OLFML2A: variants seen among roughly 807,000 people sequenced by gnomAD.
OLFML2A encodes the protein olfactomedin like 2A, also known as olfactomedin-like protein 2A.
A neutral mutation model predicts 60.9 loss-of-function variants in OLFML2A; 47 were observed. That is an observed-to-expected ratio of 0.77 (90% CI 0.61 to 0.98). The LOEUF is 0.98. Ranked by LOEUF, OLFML2A falls within the 50% of genes least tolerant of loss-of-function variation. OLFML2A has a pLI of 0.00. For missense variants in OLFML2A, 922 were observed against 879.8 expected, an observed-to-expected ratio of 1.05 and a Z score of -0.61; for synonymous variants, 372 against 375.0, an observed-to-expected ratio of 0.99 and a Z score of 0.09.
intron 7 of OLFML2A, among the ~76,000 whole-genome samples, chr9:124,809,277 T>C (rs113106834): frequency 0.011 from 1,656 of 152,258 alleles, 34 homozygotes; most frequent in African/African-American, 0.038. Context: ...AGGAAGCCAG[T>C]GATAAGTATC....
chr9:124,782,711 C>G (rs1841383355), intron 1 of OLFML2A, among the ~76,000 whole-genome samples: 1 of 152,216 alleles, frequency 6.6e-6, no homozygotes, highest in Non-Finnish European at 1.5e-5. Flanking sequence ...GGCCTTATTC[C>G]AATTCCTGGC....
chr9:124,810,790 T>G lies in OLFML2A; in HGVS notation c.*378T>G. On this transcript the variant is annotated 3_prime_UTR_variant, in exon 8 of 8. Coordinates refer to ENST00000373580, the MANE Select transcript of OLFML2A (RefSeq NM_182487.4). ...AGCCCCATTTTAGGGATGAGGAGAC[T>G]TCACCACGCCCTCCCCTCCCTGCCC... 4.7e-6 allele frequency: 1 copy of G among 212,402 alleles called. No homozygotes were observed. 13.2% of individuals were successfully genotyped at this position (212,402 alleles called of 1,614,324 possible). A position where few individuals can be genotyped will look rare whatever the true frequency, so the allele number is the denominator to read the frequency against.
chr9:124,809,817 G>A lies in OLFML2A; in HGVS notation c.1364G>A (p.Ser455Asn), dbSNP rs752165599. The A allele has an allele frequency of 5.0e-6, 8 of 1,603,522 alleles. No homozygotes were observed. In the Admixed American group the frequency reaches 1.3e-4, roughly 27 times the overall value. The change falls in exon 8 of 8, where the codon AGT becomes AAT. Residue 455 changes from serine to asparagine, a missense_variant. Transcript: ENST00000373580. Reference sequence around the variant, plus strand: ...TCGCCCTCGCCTGCAGGCCGCTGGAGTAACATGTACAAGCTACCCTACAAC... The same window carrying A: ...TCGCCCTCGCCTGCAGGCCGCTGGAATAACATGTACAAGCTACCCTACAAC... Reference protein sequence around the residue: ...NLENFKQGRWSNMYKLPYNWI... With the variant: ...NLENFKQGRWNNMYKLPYNWI...
At position 124,787,223 on chromosome 9, in the gene OLFML2A, G is replaced by A. The variant is rs370096635; in HGVS notation, c.339G>A (p.Ala113=). The A allele has an allele frequency of 4.8e-5, 78 of 1,613,858 alleles. No homozygotes were observed. Among genetic ancestry groups the A allele is most frequent in the Admixed American group, 1.2e-4 (7 of 59,982 alleles). ...AGATGGAGAAACTCAAAAAGCAGGC[G>A]CCCGAGCTCCTCAAGGTAGACTTGG... is the stretch of plus-strand genomic sequence containing the variant. The part of the protein sequence containing the change: ...EWKMEKLKKQ[A]PELLKLQSMV... Residue 113 remains alanine, a synonymous_variant, in exon 2 of 8, where the codon GCG becomes GCA. Coordinates refer to ENST00000373580, the MANE Select transcript of OLFML2A (RefSeq NM_182487.4).
chr9:124,781,171 G>A (rs1841354886), intron 1 of OLFML2A, among the ~76,000 whole-genome samples: 1 of 152,222 alleles, frequency 6.6e-6, no homozygotes, highest in Admixed American at 6.5e-5. Context: ...CCAGGTAGCA[G>A]TTAATATGGC....
intron 3 of OLFML2A, 119 bp from the exon 4 acceptor site, chr9:124,799,166 C>A: frequency 1.4e-6 from 1 of 711,784 alleles, no homozygotes; most frequent in Non-Finnish European, 2.5e-6. Context: ...GCGGCCGCCC[C>A]TAGCCCGTTC....
intron 7 of OLFML2A, among the ~76,000 whole-genome samples, chr9:124,809,600 CT>C (rs796228631): frequency 3.8e-4 from 56 of 146,540 alleles, no homozygotes; most frequent in Admixed American, 4.1e-4. Context: ...TCCTCTGAGC[CT>C]TTTTTTTTTT....
chr9:124,809,302 T>G (rs1056933033), intron 7 of OLFML2A, among the ~76,000 whole-genome samples: 1 of 152,192 alleles, frequency 6.6e-6, no homozygotes, highest in African/African-American at 2.4e-5. Flanking sequence ...TGAAGGCTTC[T>G]GTCTGGCTGC....
In OLFML2A at chr9:124,813,383, C is replaced by T. The variant is rs1324533820; in HGVS notation, c.*2971C>T. 6.6e-6 allele frequency: 1 copy of T among 152,276 alleles called. No individual in the cohort carries two copies. Among genetic ancestry groups the T allele is most frequent in the Non-Finnish European group, 1.5e-5 (1 of 68,052 alleles). 9.4% of individuals were successfully genotyped at this position (152,276 alleles called of 1,614,324 possible). A position where few individuals can be genotyped will look rare whatever the true frequency, so the allele number is the denominator to read the frequency against. ...CATCATTAACTGAGCACCAGCTGTG[C>T]TAAGCCTGCCACGGGCGTATCCTTG... On this transcript the variant is annotated 3_prime_UTR_variant, in exon 8 of 8. Coordinates refer to ENST00000373580, the MANE Select transcript of OLFML2A (RefSeq NM_182487.4).
intron 6 of OLFML2A, among the ~76,000 whole-genome samples, chr9:124,807,051 C>A (rs1300937653): frequency 6.6e-6 from 1 of 151,430 alleles, no homozygotes; most frequent in Non-Finnish European, 1.5e-5. Flanking sequence ...GTAGCTGGGA[C>A]TACAGGCGCA....
In OLFML2A at chr9:124,787,022, C is replaced by G. The variant is rs201589514; in HGVS notation, c.138C>G (p.Asp46Glu). The change falls in exon 2 of 8, where the codon GAC (aspartate) becomes GAG (glutamate). Residue 46 changes from aspartate to glutamate, a missense_variant. By Grantham distance (45) the Asp-to-Glu change is conservative. Transcript: ENST00000373580. ...DQVRMTSEGSDCRCKCIMRPL... is the reference protein window; with the variant it reads ...DQVRMTSEGSECRCKCIMRPL... ...TGAGGATGACCTCGGAGGGCTCCGA[C>G]TGCCGTTGCAAGTGCATCATGCGGC... 145 of 1,613,992 alleles carry G rather than the reference C, an allele frequency of 9.0e-5. No homozygotes were observed. The Middle Eastern group carries it at 1.7e-3, about 18-fold the overall frequency.
chr9:124,794,615 AATT>A (rs1841630281), intron 2 of OLFML2A, among the ~76,000 whole-genome samples: 1 of 151,910 alleles, frequency 6.6e-6, no homozygotes, highest in South Asian at 2.1e-4. Context: ...TTTTAATTTT[AATT>A]ATTATTATTA....
rs762073593 is a variant in OLFML2A at position 124,811,496 on chromosome 9, C to T, written c.*1084C>T. On this transcript the variant is annotated 3_prime_UTR_variant, in exon 8 of 8. Coordinates refer to ENST00000373580, the MANE Select transcript of OLFML2A (RefSeq NM_182487.4). ...CACAGTTTCCCTCTTCCTTGCCAGC[C>T]CTGACCTGGTCACTGGGCAGGCTGG... 1 of 152,834 alleles carries T rather than the reference C, an allele frequency of 6.5e-6. No individual in the cohort carries two copies. The highest frequency in any genetic ancestry group is 2.4e-5 in the African/African-American group (1 of 41,482). The allele number at this position is 152,834 out of a possible 1,614,324, so 9.5% of individuals were successfully genotyped here. A position where few individuals can be genotyped will look rare whatever the true frequency, so the allele number is the denominator to read the frequency against.
rs1395853341 is a variant in OLFML2A, at chr9:124,787,133, C to T, written c.249C>T (p.Gly83=). The change falls in exon 2 of 8, where the codon GGC becomes GGT. Residue 83 remains glycine (G), a synonymous_variant. Coordinates refer to ENST00000373580, the MANE Select transcript of OLFML2A (RefSeq NM_182487.4). ...DFYTVETVSS[G]TDCRCSCTAP... ...ACACGGTGGAGACTGTGAGCTCGGG[C>T]ACTGACTGCCGCTGCTCCTGTACCG... 1 of 1,614,090 alleles carries T rather than the reference C, an allele frequency of 6.2e-7. No homozygotes were observed. Among genetic ancestry groups the T allele is most frequent in the Non-Finnish European group, 8.5e-7 (1 of 1,180,038 alleles).
intron 3 of OLFML2A, 136 bp from the exon 4 acceptor site, chr9:124,799,149 G>T: frequency 1.6e-6 from 1 of 612,794 alleles, no homozygotes; most frequent in Non-Finnish European, 2.9e-6. Context: ...TCCTGCTCAT[G>T]CTCACTGCGG....
rs373278976 is a variant in OLFML2A at position 124,786,967 on chromosome 9, C to G, written c.91-8C>G. The G allele has an allele frequency of 6.2e-7, 1 of 1,604,584 alleles. No individual in the cohort carries two copies. Among genetic ancestry groups the G allele is most frequent in the South Asian group, 1.1e-5 (1 of 90,712 alleles). On this transcript the variant is annotated splice_region_variant and splice_polypyrimidine_tract_variant and intron_variant, in intron 1 of 7. Coordinates refer to ENST00000373580, the MANE Select transcript of OLFML2A (RefSeq NM_182487.4). ...ACTCACTGGAGCCCCTCTTGCCCCCCGCAACAGGTGTTTGGGGACCTGGAC... is the reference window on the plus strand; with the variant it reads ...ACTCACTGGAGCCCCTCTTGCCCCCGGCAACAGGTGTTTGGGGACCTGGAC...
At chr9:124,801,125 C>T in intron 4 of OLFML2A, 1 of 1,420,076 alleles carries the variant, frequency 7.0e-7, no homozygotes, top group Admixed American at 2.0e-5. Flanking sequence ...TTCTAGCCTG[C>T]CCCCCAGGGG....
chr9:124,799,541 C>T (rs1368003469), intron 4 of OLFML2A, 50 bp downstream of exon 4: 1 of 1,452,088 alleles, frequency 6.9e-7, no homozygotes, highest in East Asian at 2.5e-5. Flanking sequence ...AACTTGGGAG[C>T]TCAGTGTGCC....
rs959288061 is a variant in OLFML2A, at chr9:124,813,076, T to A, written c.*2664T>A. 6.6e-6 allele frequency: 1 copy of A among 152,162 alleles called. No individual in the cohort carries two copies. The highest frequency in any genetic ancestry group is 2.4e-5 in the African/African-American group (1 of 41,428). 9.4% of individuals were successfully genotyped at this position (152,162 alleles called of 1,614,324 possible). A position where few individuals can be genotyped will look rare whatever the true frequency, so the allele number is the denominator to read the frequency against. On this transcript the variant is annotated 3_prime_UTR_variant, in exon 8 of 8. Coordinates refer to ENST00000373580, the MANE Select transcript of OLFML2A (RefSeq NM_182487.4). ...AAGTGATTCTCCTGCCTTAGCCTCC[T>A]GAAAAGCTGGGATTACAGGGCCCTG...
Sources: allele counts gnomAD v4.1 joint callset (sites outside exome capture counted in the v4.1 genomes callset), GRCh38; gene constraint gnomAD v4.1.1; transcripts MANE v1.5; gene names NCBI Gene and HGNC (gene_info 2026-07-23, HGNC 2026-07-21).